Variants in MCTP1 observed in about 807,000 individuals in gnomAD.
MCTP1 encodes the protein multiple C2 and transmembrane domain containing 1, also known as multiple C2 and transmembrane domain-containing protein 1.
Under a neutral mutation model 120.6 loss-of-function variants are expected in MCTP1, and 69 were observed. That is an observed-to-expected ratio of 0.57 (90% CI 0.47 to 0.70). The LOEUF (loss-of-function observed/expected upper bound fraction) is 0.70, where lower values mean the gene tolerates loss of function less well. Among genes scored for constraint, MCTP1 ranks in the 30% least tolerant of loss-of-function variants. The pLI, the probability that MCTP1 is intolerant of heterozygous loss-of-function variation, is 0.00. For synonymous variants in MCTP1, 529 were observed against 493.1 expected (o/e 1.07, Z -0.96); for missense variants, 1,203 against 1,248.8 (o/e 0.96, Z 0.55).
chr5:94,941,437 C>T (rs969191443), intron 4 of MCTP1, among the ~76,000 whole-genome samples: 2 of 152,002 alleles, frequency 1.3e-5, no homozygotes, highest in Non-Finnish European at 2.9e-5. Flanking sequence ...CCATTGTGCT[C>T]AAACTAAGTT....
chr5:95,140,693 T>TAAAAAA lies in MCTP1; in HGVS notation c.721-123215_721-123210dup, dbSNP rs35248317. 2.5e-4 allele frequency among the ~76,000 whole-genome samples: 7 copies of TAAAAAA among 27,632 alleles called. 1 individual carries two copies. The highest frequency in any genetic ancestry group is 3.1e-4 in the African/African-American group (3 of 9,692). 18.1% of individuals were successfully genotyped at this position (27,632 alleles called of 152,430 possible). Reference sequence around the variant, plus strand: ...TAACACCGTGAAACCCTGTCCCTACTAAAAAAAAAAAAAAAAAAAAAAAAA... The same window carrying TAAAAAA: ...TAACACCGTGAAACCCTGTCCCTACTAAAAAAAAAAAAAAAAAAAAAAAAAAAAAAA... On this transcript the variant is annotated intron_variant, in intron 1 of 22. Coordinates refer to ENST00000515393, the MANE Select transcript of MCTP1 (RefSeq NM_024717.7).
At chr5:95,263,111 G>A (rs565846317) in intron 1 of MCTP1, among the ~76,000 whole-genome samples, 1 of 152,268 alleles carries the variant, frequency 6.6e-6, no homozygotes, top group South Asian at 2.1e-4. Context: ...ACTGGGGAAG[G>A]TCCAGAGTTC....
chr5:95,053,820 G>T (rs562987516), intron 1 of MCTP1, among the ~76,000 whole-genome samples: 38 of 152,270 alleles, frequency 2.5e-4, no homozygotes, highest in African/African-American at 8.7e-4. Context: ...AATGTTGGAA[G>T]CTGAAAAGCA....
chr5:94,711,555 A>C (rs1335603503), intron 20 of MCTP1, among the ~76,000 whole-genome samples: 3 of 152,140 alleles, frequency 2.0e-5, no homozygotes. Flanking sequence ...GATAATTAAT[A>C]AAATCAGCAT....
At chr5:95,123,774 C>T (rs1032056105) in intron 1 of MCTP1, among the ~76,000 whole-genome samples, 13 of 151,908 alleles carry the variant, frequency 8.6e-5, no homozygotes, top group Non-Finnish European at 1.9e-4. Flanking sequence ...CTCAGCCTCC[C>T]GAGTAGCTGG....
At chr5:94,726,630 T>C (rs1322605442) in intron 19 of MCTP1, among the ~76,000 whole-genome samples, 1 of 152,202 alleles carries the variant, frequency 6.6e-6, no homozygotes, top group Non-Finnish European at 1.5e-5. Flanking sequence ...ACATCTTTTA[T>C]AGGACTTTAT....
chr5:94,957,241 T>G (rs935094425), intron 2 of MCTP1, among the ~76,000 whole-genome samples: 7 of 152,124 alleles, frequency 4.6e-5, no homozygotes, highest in Non-Finnish European at 1.0e-4. Context: ...CCACCAAGCC[T>G]GCCTTACAAG....
chr5:94,984,052 A>C (rs898737184), intron 2 of MCTP1, among the ~76,000 whole-genome samples: 1 of 152,186 alleles, frequency 6.6e-6, no homozygotes, highest in Non-Finnish European at 1.5e-5. Context: ...ACTCCCCCAG[A>C]TTAGTCCTAA....
chr5:94,817,890 C>G (rs77220988), intron 17 of MCTP1, among the ~76,000 whole-genome samples: 1 of 152,136 alleles, frequency 6.6e-6, no homozygotes, highest in South Asian at 2.1e-4. Context: ...AACCCTCCCC[C>G]ACTTTTAGTT....
chr5:94,921,424 G>T (rs1811634558), intron 7 of MCTP1, among the ~76,000 whole-genome samples: 1 of 152,120 alleles, frequency 6.6e-6, no homozygotes, highest in Admixed American at 6.5e-5. Context: ...TAAATCAGTT[G>T]CTATCTCTTG....
chr5:94,872,584 G>C (rs2153318606), intron 13 of MCTP1, among the ~76,000 whole-genome samples: 1 of 152,154 alleles, frequency 6.6e-6, no homozygotes, highest in Admixed American at 6.5e-5. Flanking sequence ...AGTTACTATA[G>C]TGTAGCATTG....
chr5:94,953,646 GGAAAA>G (rs1279751507), intron 2 of MCTP1, among the ~76,000 whole-genome samples: 3 of 149,700 alleles, frequency 2.0e-5, no homozygotes, highest in African/African-American at 7.4e-5. Flanking sequence ...TCTACCCAAA[GGAAAA>G]GAAATCATTT....
intron 1 of MCTP1, among the ~76,000 whole-genome samples, chr5:95,212,311 A>G (rs1340651618): frequency 6.6e-6 from 1 of 152,226 alleles, no homozygotes; most frequent in Non-Finnish European, 1.5e-5. Context: ...AGACTAAACC[A>G]GGAGGAAATT....
intron 19 of MCTP1, chr5:94,739,392 A>T (rs1764994774): frequency 6.6e-6 from 1 of 152,210 alleles, no homozygotes; most frequent in Non-Finnish European, 1.5e-5. Flanking sequence ...GATTAAAACC[A>T]CCGCAACAAC....
chr5:95,082,254 C>T (rs958492), intron 1 of MCTP1, among the ~76,000 whole-genome samples: 124,342 of 152,104 alleles, frequency 0.82, 53,415 homozygotes, highest in Non-Finnish European at 0.96. Context: ...TTTATCTGTT[C>T]TGTGAGCCCT....
chr5:94,921,217 A>G (rs1482265496), intron 7 of MCTP1, among the ~76,000 whole-genome samples: 9 of 152,224 alleles, frequency 5.9e-5, no homozygotes, highest in African/African-American at 2.2e-4. Context: ...TTTTCATGAG[A>G]AACATGGTAA....
intron 1 of MCTP1, among the ~76,000 whole-genome samples, chr5:95,247,491 G>C (rs529836857): frequency 1.3e-5 from 2 of 151,868 alleles, no homozygotes; most frequent in African/African-American, 4.8e-5. Flanking sequence ...TTAGGGTGTC[G>C]ATTTTAGATC....
chr5:95,214,029 T>A (rs1273929288), intron 1 of MCTP1, among the ~76,000 whole-genome samples: 1 of 152,190 alleles, frequency 6.6e-6, no homozygotes, highest in Non-Finnish European at 1.5e-5. Context: ...CTAATTAAAC[T>A]AAAGAGCTTC....
intron 12 of MCTP1, among the ~76,000 whole-genome samples, chr5:94,876,171 C>T (rs1386900144): frequency 1.3e-5 from 2 of 152,140 alleles, no homozygotes; most frequent in Non-Finnish European, 2.9e-5. Context: ...AAATGACTGG[C>T]TTTTCAGACC....
Sources: gnomAD v4.1 joint callset for allele counts (sites outside exome capture counted in the v4.1 genomes callset) on GRCh38, gnomAD v4.1.1 for gene constraint, MANE v1.5 for transcripts, NCBI Gene and HGNC (gene_info 2026-07-23, HGNC 2026-07-21) for gene names.